DST: variants seen among roughly 807,000 people sequenced by gnomAD.
DST encodes the protein dystonin, also known as bullous pemphigoid antigen.
In DST, 253 loss-of-function variants were observed where a neutral mutation model predicts 875.2. The observed-to-expected ratio is 0.29, with a 90% confidence interval of 0.26 to 0.32. The LOEUF is 0.32. Among genes scored for constraint, DST ranks in the 10% least tolerant of loss-of-function variants. The pLI, the probability that DST is intolerant of heterozygous loss-of-function variation, is 1.00. For synonymous variants in DST, 3,124 were observed against 3,197.1 expected (o/e 0.98, Z 0.77); for missense variants, 8,287 against 9,111.6 (o/e 0.91, Z 3.68).
At chr6:56,636,848 A>T (rs2098830338) in intron 22 of DST, among the ~76,000 whole-genome samples, 196 bp from the exon 23 acceptor site, 1 of 152,224 alleles carries the variant, frequency 6.6e-6, no homozygotes, top group South Asian at 2.1e-4. Flanking sequence ...TTGGGAGGCC[A>T]AGGCAGGCAG....
intron 4 of DST, among the ~76,000 whole-genome samples, chr6:56,761,818 C>T (rs1435690663): frequency 6.6e-6 from 1 of 152,126 alleles, no homozygotes; most frequent in African/African-American, 2.4e-5. Flanking sequence ...AAAAGAAGAA[C>T]TTACATCACA....
Position 56,797,039 on chromosome 6 carries a change from C to A in DST, c.625+54358G>T, listed in dbSNP as rs2099740692. On this transcript the variant is annotated intron_variant, in intron 4 of 103. Coordinates refer to ENST00000680361, the MANE Select transcript of DST (RefSeq NM_001374736.1). ...ACCCTGTGTCAAGCAAGTTTAATGG[C>A]ATTATTTTTCCAACAGCATGGGCTC... Among the ~76,000 whole-genome samples, 3 of 152,158 alleles carry A rather than the reference C, an allele frequency of 2.0e-5. No homozygotes were observed. In the South Asian group the frequency reaches 6.2e-4, roughly 32 times the overall value.
chr6:56,714,919 C>T lies in DST; in HGVS notation c.688-10550G>A, dbSNP rs1267701886. Among the ~76,000 whole-genome samples, 1 of 152,122 alleles carries T rather than the reference C, an allele frequency of 6.6e-6. No homozygotes were observed. Among genetic ancestry groups the T allele is most frequent in the African/African-American group, 2.4e-5 (1 of 41,410 alleles). ...TATTCTTTGGATTATACCAGTACAC[C>T]AATCATCATTTTACTTATAGTTTTA... On this transcript the variant is annotated intron_variant, in intron 5 of 103. Coordinates refer to ENST00000680361, the MANE Select transcript of DST (RefSeq NM_001374736.1). The surrounding 1 kb of genome is among the most constrained non-coding windows in gnomAD (Gnocchi z 4.5).
At chr6:56,943,115 C>T (rs1817542420) in intron 2 of DST, among the ~76,000 whole-genome samples, 4 of 152,182 alleles carry the variant, frequency 2.6e-5, no homozygotes, top group African/African-American at 9.7e-5. Context: ...ATTTGGCTCT[C>T]ATTTGGCATT....
intron 69 of DST, among the ~76,000 whole-genome samples, chr6:56,525,536 G>A (rs2096782107): frequency 6.6e-6 from 1 of 152,162 alleles, no homozygotes; most frequent in South Asian, 2.1e-4. Flanking sequence ...TGCTCCCACA[G>A]AATCAGCTTG....
At chr6:56,693,074 G>T in intron 9 of DST, 1 of 1,289,420 alleles carries the variant, frequency 7.8e-7, no homozygotes, top group Admixed American at 2.3e-5. Flanking sequence ...TATTTTTCAG[G>T]GTTCAAAGGA....
At chr6:56,723,152 A>G (rs184481790) in intron 5 of DST, among the ~76,000 whole-genome samples, 2 of 152,376 alleles carry the variant, frequency 1.3e-5, no homozygotes, top group Admixed American at 1.3e-4. Context: ...CTGGCCCAAG[A>G]TAAGTAGGTG....
chr6:56,855,766 G>A (rs1767567790), intron 3 of DST, among the ~76,000 whole-genome samples: 2 of 152,144 alleles, frequency 1.3e-5, no homozygotes, highest in South Asian at 4.1e-4. Context: ...ACCTGGACAG[G>A]ACACCATCCC....
At chr6:56,595,040 A>G (rs972925331) in intron 47 of DST, among the ~76,000 whole-genome samples, 1 of 152,168 alleles carries the variant, frequency 6.6e-6, no homozygotes, top group Non-Finnish European at 1.5e-5. Context: ...CCCTCCAGCC[A>G]TAAGCATCTT....
In DST at chr6:56,634,118, A is replaced by G; in HGVS notation, c.3621+14T>C. ...TTTTGGACATATCGAGTTGACATAC[A>G]GATTCATACTTACTGAAGCCACATT... On this transcript the variant is annotated intron_variant, in intron 27 of 103. Transcript: ENST00000680361. 6.2e-7 allele frequency: 1 copy of G among 1,612,730 alleles called. No individual in the cohort carries two copies. Among genetic ancestry groups the G allele is most frequent in the Non-Finnish European group, 8.5e-7 (1 of 1,179,984 alleles).
chr6:56,703,693 T>C lies in DST; in HGVS notation c.831A>G (p.Ala277=), dbSNP rs1031300541. The C allele has an allele frequency of 3.0e-6, 3 of 985,258 alleles. No individual in the cohort carries two copies. In the African/African-American group the frequency reaches 5.2e-5, roughly 17 times the overall value. The allele number at this position is 985,258 out of a possible 1,614,324, so 61.0% of individuals were successfully genotyped here. The change falls in exon 7 of 104, where the codon GCA becomes GCG. Residue 277 remains alanine, a synonymous_variant. Coordinates refer to ENST00000680361, the MANE Select transcript of DST (RefSeq NM_001374736.1). ...KTLRLVSATE[A]CEYEQHEDVE... ...CATCCTCATGCTGTTCATATTCGCA[T>C]GCTTCTGTTGCACTCACCAATCGTA...
chr6:56,497,530 G>A (rs370852847), intron 81 of DST, 23 bp from the exon 82 acceptor site: 176 of 1,609,582 alleles, frequency 1.1e-4, no homozygotes, highest in Non-Finnish European at 1.4e-4. Context: ...GCAGTTTTAA[G>A]TTGGGGCCAT....
At chr6:56,677,751 T>C (rs1406315732) in intron 9 of DST, among the ~76,000 whole-genome samples, 1 of 152,218 alleles carries the variant, frequency 6.6e-6, no homozygotes, top group African/African-American at 2.4e-5. Flanking sequence ...ATCCTGGTCA[T>C]TGCTGGCTAC....
At chr6:56,844,812 CA>C (rs951123211) in intron 4 of DST, among the ~76,000 whole-genome samples, 2 of 149,522 alleles carry the variant, frequency 1.3e-5, no homozygotes, top group African/African-American at 5.0e-5. Flanking sequence ...GTGGAGGTTG[CA>C]GTGAGCCGAG....
intron 90 of DST, among the ~76,000 whole-genome samples, chr6:56,478,385 A>G (rs2095283093): frequency 1.3e-5 from 2 of 151,998 alleles, no homozygotes; most frequent in Non-Finnish European, 2.9e-5. Context: ...CCATGTGAGA[A>G]CTGTCCCTTT....
chr6:56,564,930 G>A (rs1273288852), intron 55 of DST, among the ~76,000 whole-genome samples: 1 of 152,054 alleles, frequency 6.6e-6, no homozygotes, highest in Admixed American at 6.6e-5. Context: ...TTATCGTGGT[G>A]GATAAGCTTT....
At chr6:56,899,951 G>A (rs765246358) in intron 3 of DST, among the ~76,000 whole-genome samples, 6 of 152,204 alleles carry the variant, frequency 3.9e-5, no homozygotes, top group East Asian at 1.9e-4. Flanking sequence ...TAGGCTGGGT[G>A]TGGAGGGACG....
intron 72 of DST, among the ~76,000 whole-genome samples, chr6:56,513,915 T>C (rs1358853267): frequency 6.6e-6 from 1 of 152,162 alleles, no homozygotes; most frequent in Non-Finnish European, 1.5e-5. Flanking sequence ...CTGGCTAGAA[T>C]GAACTAGATT....
chr6:56,485,819 T>C (rs2095539973), intron 87 of DST, among the ~76,000 whole-genome samples: 1 of 152,190 alleles, frequency 6.6e-6, no homozygotes, highest in South Asian at 2.1e-4. Flanking sequence ...TATACACTTC[T>C]ATACATTTTA....
Sources: allele counts gnomAD v4.1 joint callset (sites outside exome capture counted in the v4.1 genomes callset), GRCh38; gene constraint gnomAD v4.1.1; non-coding constraint Gnocchi (gnomAD v3.1); transcripts MANE v1.5; gene names NCBI Gene and HGNC (gene_info 2026-07-23, HGNC 2026-07-21).